The following ITGA10 variants were observed in gnomAD, a reference collection of about 807,000 sequenced individuals.
ITGA10 encodes integrin alpha-10.
Under a neutral mutation model 145.2 loss-of-function variants are expected in ITGA10, and 105 were observed. That is an observed-to-expected ratio of 0.72 (90% CI 0.62 to 0.85). ITGA10 has a LOEUF of 0.85. Among genes scored for constraint, ITGA10 ranks in the 40% least tolerant of loss-of-function variants. The pLI is 0.00. For synonymous variants in ITGA10, 506 were observed against 557.8 expected, an observed-to-expected ratio of 0.91 and a Z score of 1.31; for missense variants, 1,317 against 1,444.5, an observed-to-expected ratio of 0.91 and a Z score of 1.43.
intron 25 of ITGA10, 83 bp downstream of exon 25, chr1:145,895,900 T>G: frequency 8.7e-7 from 1 of 1,146,560 alleles, no homozygotes; most frequent in South Asian, 1.3e-5. Flanking sequence ...GCCCAACAGA[T>G]AGGGAGCTGG....
chr1:145,907,166 G>T lies in ITGA10; in HGVS notation c.165-16C>A. Reference sequence around the variant, plus strand: ...CACCAGCATCCTGGGAAGAGGATGTGAATGTAAGTAAGCACAGGGCAAACA... The same window carrying T: ...CACCAGCATCCTGGGAAGAGGATGTTAATGTAAGTAAGCACAGGGCAAACA... On this transcript the variant is annotated splice_polypyrimidine_tract_variant and intron_variant, in intron 2 of 29. Coordinates refer to ENST00000369304, the MANE Select transcript of ITGA10 (RefSeq NM_003637.5). 6.4e-7 allele frequency: 1 copy of T among 1,558,774 alleles called. No homozygotes were observed. Among genetic ancestry groups the T allele is most frequent in the South Asian group, 1.2e-5 (1 of 84,702 alleles).
intron 14 of ITGA10, 42 bp from the exon 15 acceptor site, chr1:145,900,229 C>G: frequency 6.4e-7 from 1 of 1,557,020 alleles, no homozygotes; most frequent in Non-Finnish European, 8.7e-7. Context: ...GACCCATACA[C>G]CTAGTTTCTC....
At position 145,900,093 on chromosome 1, in the gene ITGA10, A is replaced by T; in HGVS notation, c.1886T>A (p.Val629Glu). The part of the protein sequence containing the change: ...LDLDGDDLVD[V>E]AVGAQGAAIL... ...GGCTGCCCCCTGGGCACCCACAGCC[A>T]CATCGACCAGATCATCTCCATCCAG... is the stretch of plus-strand genomic sequence containing the variant. The change falls in exon 15 of 30, where the codon GTG becomes GAG. Residue 629 changes from valine (V) to glutamate (E), a missense_variant. Coordinates refer to ENST00000369304, the MANE Select transcript of ITGA10 (RefSeq NM_003637.5). The T allele has an allele frequency of 1.9e-6, 3 of 1,614,068 alleles. No homozygotes were observed. Among genetic ancestry groups the T allele is most frequent in the Non-Finnish European group, 2.5e-6 (3 of 1,179,986 alleles).
intron 5 of ITGA10, chr1:145,906,096 AT>A (rs781863342): frequency 0.08 from 19,565 of 245,474 alleles, no homozygotes; most frequent in South Asian, 0.13. Flanking sequence ...TAATTTTTGT[AT>A]TTTTTTTTTT....
intron 7 of ITGA10, 144 bp downstream of exon 7, chr1:145,903,908 C>T (rs587616107): frequency 6.5e-5 from 53 of 811,478 alleles, no homozygotes; most frequent in East Asian, 1.4e-4. Context: ...AGGCTGGTCT[C>T]GAACTCCTGA....
intron 14 of ITGA10, 96 bp downstream of exon 14, chr1:145,900,694 T>A: frequency 7.7e-7 from 1 of 1,298,216 alleles, no homozygotes; most frequent in South Asian, 1.3e-5. Context: ...CTTGTTCAGT[T>A]TGGGTCTCAA....
intron 26 of ITGA10, 56 bp downstream of exon 26, chr1:145,895,575 C>G: frequency 6.4e-7 from 1 of 1,560,102 alleles, no homozygotes; most frequent in South Asian, 1.1e-5. Flanking sequence ...CCTCTTGTCC[C>G]AAGTCACCCA....
chr1:145,892,545 A>G lies in ITGA10; in HGVS notation c.*253T>C, dbSNP rs1424729368. 8 of 410,528 alleles carry G rather than the reference A, an allele frequency of 1.9e-5. No individual in the cohort carries two copies. The highest frequency in any genetic ancestry group is 1.6e-4 in the African/African-American group (8 of 49,150). The allele number at this position is 410,528 out of a possible 1,614,324, so 25.4% of individuals were successfully genotyped here. On this transcript the variant is annotated 3_prime_UTR_variant, in exon 30 of 30. Coordinates refer to ENST00000369304, the MANE Select transcript of ITGA10 (RefSeq NM_003637.5). ...ACAAAAGCCCCAGTGTTGGCTATGG[A>G]ACCAGGATCACGAGGAGGAGGGAAG...
chr1:145,906,918 G>T, intron 3 of ITGA10, 94 bp from the exon 4 acceptor site: 1 of 1,160,254 alleles, frequency 8.6e-7, no homozygotes, highest in Non-Finnish European at 1.3e-6. Context: ...GCAGGGATTG[G>T]TATCAGATTG....
intron 15 of ITGA10, among the ~76,000 whole-genome samples, chr1:145,899,844 G>A (rs1655985112): frequency 6.6e-6 from 1 of 152,108 alleles, no homozygotes; most frequent in African/African-American, 2.4e-5. Context: ...TACATGCTAG[G>A]CACTGTGTTC....
In ITGA10 at chr1:145,907,688, T is replaced by G. The variant is rs587640595; in HGVS notation, c.53-223A>C. 1.8e-5 allele frequency: 12 copies of G among 679,144 alleles called. No homozygotes were observed. The East Asian group carries it at 1.6e-3, about 92-fold the overall frequency. 42.1% of individuals were successfully genotyped at this position (679,144 alleles called of 1,614,324 possible). On this transcript the variant is annotated intron_variant, in intron 1 of 29. Transcript: ENST00000369304. Reference sequence around the variant, plus strand: ...CCTAAACTGTGGCCCTCTGCCATGCTGATGTACAGCTGTATTTCCATTCCC... The same window carrying G: ...CCTAAACTGTGGCCCTCTGCCATGCGGATGTACAGCTGTATTTCCATTCCC...
At chr1:145,906,689 T>TCCC in intron 4 of ITGA10, 44 bp downstream of exon 4, 1 of 1,495,286 alleles carries the variant, frequency 6.7e-7, no homozygotes, top group Non-Finnish European at 9.3e-7. Context: ...TTTTTTCTTT[T>TCCC]ATGGACCTTC....
rs782567617 is a variant in ITGA10 at position 145,899,261 on chromosome 1, C to T, written c.2003G>A (p.Arg668Gln). The change falls in exon 16 of 30, where the codon CGG becomes CAG. Residue 668 changes from arginine (R) to glutamine (Q), a missense_variant. Transcript: ENST00000369304. ...AISVVQRDCR[R>Q]RGQEAVCLTA... ...CAGACAGACTGCCTCTTGGCCTCGC[C>T]GCCTACAGTCCCTCTGAACCACACT... 35 of 1,614,100 alleles carry T rather than the reference C, an allele frequency of 2.2e-5. No individual in the cohort carries two copies. Among genetic ancestry groups the T allele is most frequent in the Non-Finnish European group, 2.4e-5 (28 of 1,180,048 alleles).
Position 145,896,441 on chromosome 1 carries a change from G to C in ITGA10, c.2835-89C>G. ...ATCAGCACACAGACGTGGATTCAGA[G>C]GAGGCAGGGCCAGCACATGGATAAA... On this transcript the variant is annotated intron_variant, in intron 23 of 29. Coordinates refer to ENST00000369304, the MANE Select transcript of ITGA10 (RefSeq NM_003637.5). 3 of 1,001,500 alleles carry C rather than the reference G, an allele frequency of 3.0e-6. No homozygotes were observed. The South Asian group carries it at 3.9e-5, about 13-fold the overall frequency. The allele number at this position is 1,001,500 out of a possible 1,614,324, so 62.0% of individuals were successfully genotyped here.
At position 145,907,102 on chromosome 1, in the gene ITGA10, C is replaced by T; in HGVS notation, c.213G>A (p.Gly71=). Residue 71 remains glycine (G), a synonymous_variant, in exon 3 of 30, where the codon GGG becomes GGA. Transcript: ENST00000369304. ...PWDGPSGDRR[G]DVYRCPVGGA... ...CCCCTACAGGGCAGCGATAAACGTC[C>T]CCCCTCCGGTCGCCTGAAGGCCCAT... 6.4e-7 allele frequency: 1 copy of T among 1,564,836 alleles called. No homozygotes were observed. Among genetic ancestry groups the T allele is most frequent in the South Asian group, 1.2e-5 (1 of 85,008 alleles).
At chr1:145,905,466 A>T (rs1406984747) in intron 5 of ITGA10, among the ~76,000 whole-genome samples, 3 of 151,744 alleles carry the variant, frequency 2.0e-5, no homozygotes, top group Non-Finnish European at 4.4e-5. Flanking sequence ...TTTTTAGCAG[A>T]GACAGGGTTT....
Position 145,893,611 on chromosome 1 carries a change from C to A in ITGA10, c.3253G>T (p.Val1085Phe). 2 of 1,613,304 alleles carry A rather than the reference C, an allele frequency of 1.2e-6. No individual in the cohort carries two copies. Among genetic ancestry groups the A allele is most frequent in the Non-Finnish European group, 1.7e-6 (2 of 1,179,710 alleles). The stretch of plus-strand genomic sequence containing the variant: ...TCGGTTCCCAGCTCAAAGGTGCTGA[C>A]CACCGTCAGGGACTTGAACTTGGCC... ...RRAKFKSLTV[V>F]STFELGTEEG... The change falls in exon 28 of 30, where the codon GTC (valine) becomes TTC (phenylalanine). Residue 1085 changes from valine (V) to phenylalanine (F), a missense_variant. Coordinates refer to ENST00000369304, the MANE Select transcript of ITGA10 (RefSeq NM_003637.5).
chr1:145,902,805 T>A lies in ITGA10; in HGVS notation c.909+6A>T, dbSNP rs1656542417. On this transcript the variant is annotated splice_donor_region_variant and intron_variant, in intron 8 of 29. Coordinates refer to ENST00000369304, the MANE Select transcript of ITGA10 (RefSeq NM_003637.5). ...CAACTCTTCCAGATCCAGGGTGAAT[T>A]CTCACTGCAATCCCATAGCGTGTCA... 6.2e-7 allele frequency: 1 copy of A among 1,603,290 alleles called. No homozygotes were observed. Among genetic ancestry groups the A allele is most frequent in the African/African-American group, 1.3e-5 (1 of 74,758 alleles).
intron 3 of ITGA10, 102 bp from the exon 4 acceptor site, chr1:145,906,926 T>C: frequency 2.6e-6 from 3 of 1,155,432 alleles, no homozygotes; most frequent in African/African-American, 1.5e-5. Flanking sequence ...TGGTATCAGA[T>C]TGGGGACAGG....
Sources: gnomAD v4.1 joint callset for allele counts (sites outside exome capture counted in the v4.1 genomes callset) on GRCh38, gnomAD v4.1.1 for gene constraint, MANE v1.5 for transcripts, NCBI Gene and HGNC (gene_info 2026-07-23, HGNC 2026-07-21) for gene names.